PTPN3: variants seen among roughly 807,000 people sequenced by gnomAD.
PTPN3 encodes protein tyrosine phosphatase non-receptor type 3.
Under a neutral mutation model 132.7 loss-of-function variants are expected in PTPN3, and 96 were observed. That is an observed-to-expected ratio of 0.72 (90% CI 0.61 to 0.86). The LOEUF (loss-of-function observed/expected upper bound fraction) is 0.86. Ranked by LOEUF, PTPN3 falls within the 40% of genes least tolerant of loss-of-function variation. The pLI is 0.00. For synonymous variants in PTPN3, 398 were observed against 429.0 expected, an observed-to-expected ratio of 0.93 and a Z score of 0.89; for missense variants, 1,125 against 1,159.6, an observed-to-expected ratio of 0.97 and a Z score of 0.43.
intron 1 of PTPN3, among the ~76,000 whole-genome samples, chr9:109,484,082 A>G (rs2132107942): frequency 6.6e-6 from 1 of 152,200 alleles, no homozygotes; most frequent in African/African-American, 2.4e-5. Context: ...TGCCTTTGAC[A>G]TCTACGCAGT....
At chr9:109,396,192 C>T (rs1343043400) in intron 19 of PTPN3, among the ~76,000 whole-genome samples, 1 of 152,178 alleles carries the variant, frequency 6.6e-6, no homozygotes, top group Admixed American at 6.5e-5. Flanking sequence ...GACTCTTCTC[C>T]AGGCCCTGTG....
At chr9:109,459,657 C>G (rs899538640) in intron 2 of PTPN3, among the ~76,000 whole-genome samples, 1 of 152,144 alleles carries the variant, frequency 6.6e-6, no homozygotes, top group Admixed American at 6.5e-5. Context: ...TCAAGGGATC[C>G]TCCTGCTTTG....
chr9:109,449,485 TAACTTCCA>T, intron 5 of PTPN3: 2 of 985,498 alleles, frequency 2.0e-6, no homozygotes, highest in Non-Finnish European at 2.4e-6. Context: ...CCAGCAAATG[TAACTTCCA>T]AACTCCAGAC....
intron 10 of PTPN3, among the ~76,000 whole-genome samples, chr9:109,431,852 T>C (rs1843683871): frequency 6.6e-6 from 1 of 152,140 alleles, no homozygotes; most frequent in African/African-American, 2.4e-5. Context: ...AACTTCTTTG[T>C]ACCTCTGTTT....
At chr9:109,421,341 T>C (rs1842880501) in intron 13 of PTPN3, among the ~76,000 whole-genome samples, 1 of 152,202 alleles carries the variant, frequency 6.6e-6, no homozygotes, top group Non-Finnish European at 1.5e-5. Flanking sequence ...GCTTTCTAAG[T>C]TCTATTTTCC....
chr9:109,510,040 C>T, the PTPN3 span, among the ~76,000 whole-genome samples: 1 of 152,138 alleles, frequency 6.6e-6, no homozygotes, highest in Non-Finnish European at 1.5e-5. Flanking sequence ...AGGAAATAGA[C>T]CCATTCTGCA....
chr9:109,510,700 G>A, the PTPN3 span, among the ~76,000 whole-genome samples: 1 of 149,824 alleles, frequency 6.7e-6, no homozygotes, highest in African/African-American at 2.5e-5. Flanking sequence ...AATCACGTGG[G>A]AAAATGCTAG....
chr9:109,385,068 A>C (rs1341782140), intron 22 of PTPN3, among the ~76,000 whole-genome samples: 1 of 152,196 alleles, frequency 6.6e-6, no homozygotes, highest in East Asian at 1.9e-4. Context: ...TGCAGAGAAG[A>C]TATTCTCTGA....
intron 19 of PTPN3, among the ~76,000 whole-genome samples, chr9:109,403,191 G>A (rs1841294349): frequency 6.6e-6 from 1 of 152,168 alleles, no homozygotes; most frequent in African/African-American, 2.4e-5. Flanking sequence ...AATGCACATT[G>A]CTTTAATGTG....
chr9:109,402,410 C>T (rs12379997), intron 19 of PTPN3, among the ~76,000 whole-genome samples: 1 of 152,100 alleles, frequency 6.6e-6, no homozygotes, highest in Non-Finnish European at 1.5e-5. Context: ...TCCCAAGTAG[C>T]TAGGATTACA....
chr9:109,513,552 C>T, the PTPN3 span, among the ~76,000 whole-genome samples: 4 of 152,186 alleles, frequency 2.6e-5, no homozygotes, highest in African/African-American at 7.2e-5. Flanking sequence ...CCTTACTCAT[C>T]CCCAGGTCTC....
intron 1 of PTPN3, among the ~76,000 whole-genome samples, chr9:109,491,231 G>A (rs1847448508): frequency 6.6e-6 from 1 of 151,696 alleles, no homozygotes; most frequent in Non-Finnish European, 1.5e-5. Flanking sequence ...TAAAACTTGA[G>A]GTTTATAGAT....
At chr9:109,430,904 A>G (rs1274788848) in intron 10 of PTPN3, among the ~76,000 whole-genome samples, 1 of 151,828 alleles carries the variant, frequency 6.6e-6, no homozygotes, top group Non-Finnish European at 1.5e-5. Flanking sequence ...GGACCTATAC[A>G]CCCTGCCACT....
At chr9:109,428,264 A>G (rs1486285885) in intron 11 of PTPN3, among the ~76,000 whole-genome samples, 1 of 152,234 alleles carries the variant, frequency 6.6e-6, no homozygotes, top group Non-Finnish European at 1.5e-5. Context: ...GGTAAGTGGA[A>G]GAGCCAGGAT....
chr9:109,454,796 C>T (rs977481287), intron 4 of PTPN3, among the ~76,000 whole-genome samples: 4 of 152,220 alleles, frequency 2.6e-5, no homozygotes, highest in African/African-American at 9.7e-5. Flanking sequence ...ACTGAGTTAT[C>T]ATCTACTTCC....
chr9:109,391,567 T>C lies in PTPN3; in HGVS notation c.1954-6A>G, dbSNP rs1840104710. On this transcript the variant is annotated splice_polypyrimidine_tract_variant and splice_region_variant and intron_variant, in intron 19 of 25. Transcript: ENST00000374541. ...GGCTTTTTTCTGTAGAGTTGCTATGTGAGAAATAGAGAAAAAAGCAAGCAT... is the reference window on the plus strand; with the variant it reads ...GGCTTTTTTCTGTAGAGTTGCTATGCGAGAAATAGAGAAAAAAGCAAGCAT... 2 of 1,603,920 alleles carry C rather than the reference T, an allele frequency of 1.2e-6. No individual in the cohort carries two copies. Among genetic ancestry groups the C allele is most frequent in the Non-Finnish European group, 1.7e-6 (2 of 1,174,700 alleles).
In PTPN3 at chr9:109,465,348, G is replaced by A. The variant is rs138768591; in HGVS notation, c.-17-1897C>T. Among the ~76,000 whole-genome samples, 1,130 of 152,054 alleles carry A rather than the reference G, an allele frequency of 7.4e-3. 11 individuals carry two copies. The highest frequency in any genetic ancestry group is 0.025 in the African/African-American group (1,039 of 41,474). ...TCCCAGCACTTTGGGAGGCCGAAGC[G>A]GGCGGGTCACCTGAGGTCAGGAGTT... On this transcript the variant is annotated intron_variant, in intron 1 of 25. Coordinates refer to ENST00000374541, the MANE Select transcript of PTPN3 (RefSeq NM_002829.4).
chr9:109,438,412 C>A (rs1844213539), intron 7 of PTPN3, among the ~76,000 whole-genome samples, 178 bp from the exon 8 acceptor site: 1 of 152,210 alleles, frequency 6.6e-6, no homozygotes, highest in Admixed American at 6.5e-5. Context: ...TTATCTGAGC[C>A]TTCACTATAG....
rs1478103920 is a variant in PTPN3, at chr9:109,379,020, G to A, written c.*536C>T. ...AGGGAGGGCAGAGAGGTGTTGCTCA[G>A]CCTTCAGCCTGACCCCCAGTGCCCT... On this transcript the variant is annotated 3_prime_UTR_variant, in exon 26 of 26. Transcript: ENST00000374541. The A allele has an allele frequency of 6.6e-6, 1 of 152,564 alleles. No individual in the cohort carries two copies. The highest frequency in any genetic ancestry group is 1.5e-5 in the Non-Finnish European group (1 of 68,338). 9.5% of individuals were successfully genotyped at this position (152,564 alleles called of 1,614,324 possible).
Sources: allele counts gnomAD v4.1 joint callset (sites outside exome capture counted in the v4.1 genomes callset), GRCh38; gene constraint gnomAD v4.1.1; transcripts MANE v1.5; gene names NCBI Gene and HGNC (gene_info 2026-07-23, HGNC 2026-07-21).